CHD1L: variants seen among roughly 807,000 people sequenced by gnomAD.
CHD1L encodes the protein ATP-dependent chromatin remodeler CHD1L.
In CHD1L, 118 loss-of-function variants were observed where a neutral mutation model predicts 115.9. The ratio of observed to expected loss-of-function variants is 1.02; its 90% CI spans 0.88 to 1.19. CHD1L has a LOEUF of 1.19. CHD1L is among the 50% of genes most tolerant of loss of function. The probability of loss-of-function intolerance (pLI) is 0.00; values close to 1 mark genes in which losing one functional copy is unlikely to be tolerated. For missense variants in CHD1L, 1,179 were observed against 1,065.3 expected (o/e 1.11, Z -1.49); for synonymous variants, 411 against 387.1 (o/e 1.06, Z -0.72).
rs142621859 is a variant in CHD1L at position 147,281,068 on chromosome 1, G to A, written c.1705+877G>A. Among the ~76,000 whole-genome samples the A allele has an allele frequency of 1.6e-4, 24 of 152,156 alleles. No homozygotes were observed. The East Asian group carries it at 3.5e-3, about 22-fold the overall frequency. On this transcript the variant is annotated intron_variant, in intron 15 of 22. Transcript: ENST00000369258. ...ATAGGACCGTGAATTTCCATCGCTC[G>A]CTTTCTCTCTGTGCCACAAACTTGT...
chr1:147,252,875 C>A, intron 2 of CHD1L, 140 bp downstream of exon 2: 1 of 672,148 alleles, frequency 1.5e-6, no homozygotes, highest in Non-Finnish European at 2.5e-6. Flanking sequence ...GGCTCTTGCA[C>A]CGGGAAAGGG....
At chr1:147,272,401 T>C in intron 12 of CHD1L, 120 bp downstream of exon 12, 1 of 695,600 alleles carries the variant, frequency 1.4e-6, no homozygotes, top group Non-Finnish European at 2.5e-6. Flanking sequence ...CTATTGAATG[T>C]AAAACAAGGT....
At chr1:147,231,255 T>C in the CHD1L span, among the ~76,000 whole-genome samples, 7 of 152,240 alleles carry the variant, frequency 4.6e-5, no homozygotes, top group Non-Finnish European at 1.0e-4. Flanking sequence ...TACCTTCATT[T>C]CGTTATGTAC....
At chr1:147,295,295 AGT>A (rs1305843359) in intron 22 of CHD1L, 134 bp from the exon 23 acceptor site, 26 of 661,784 alleles carry the variant, frequency 3.9e-5, no homozygotes, top group Non-Finnish European at 6.1e-5. Context: ...TAATATTGAA[AGT>A]GTTTATGATA....
At chr1:147,200,114 T>G in the CHD1L span, among the ~76,000 whole-genome samples, 780 of 152,296 alleles carry the variant, frequency 5.1e-3, 6 homozygotes, top group African/African-American at 0.017. Context: ...CTGCTTAGAA[T>G]TTCAGAGGCA....
chr1:147,267,712 A>G (rs115899538), intron 9 of CHD1L, among the ~76,000 whole-genome samples, 194 bp downstream of exon 9: 140 of 152,172 alleles, frequency 9.2e-4, no homozygotes, highest in African/African-American at 3.2e-3. Flanking sequence ...CCTTCTGGCT[A>G]TATTTTTCTT....
chr1:147,266,582 C>T (rs1474414865), intron 8 of CHD1L, among the ~76,000 whole-genome samples: 2 of 152,226 alleles, frequency 1.3e-5, no homozygotes, highest in African/African-American at 4.8e-5. Flanking sequence ...CGTATCCACG[C>T]CGTCAGCGTT....
chr1:147,291,372 G>A (rs1685466903), intron 19 of CHD1L, 110 bp from the exon 20 acceptor site: 5 of 852,590 alleles, frequency 5.9e-6, no homozygotes, highest in Non-Finnish European at 1.0e-5. Flanking sequence ...GGCTGTGTAG[G>A]AAGGTGGGTC....
chr1:147,253,433 AT>A (rs1164371482), intron 2 of CHD1L, among the ~76,000 whole-genome samples: 4 of 152,232 alleles, frequency 2.6e-5, no homozygotes, highest in Non-Finnish European at 4.4e-5. Context: ...TATTTCTGTT[AT>A]AAAAACTACC....
chr1:147,195,226 TAA>T, the CHD1L span, among the ~76,000 whole-genome samples: 2 of 152,164 alleles, frequency 1.3e-5, no homozygotes, highest in Admixed American at 6.5e-5. Flanking sequence ...CTTTTTTCTC[TAA>T]ACTTCCCTTC....
chr1:147,285,120 A>G (rs1158037969), intron 16 of CHD1L, among the ~76,000 whole-genome samples: 3 of 152,336 alleles, frequency 2.0e-5, no homozygotes, highest in Non-Finnish European at 4.4e-5. Context: ...ACAGCATGGT[A>G]TCCTGGTCAC....
the CHD1L span, chr1:147,209,094 G>C: frequency 1.9e-6 from 3 of 1,549,010 alleles, no homozygotes; most frequent in Non-Finnish European, 1.8e-6. Flanking sequence ...ACTCAGATTC[G>C]TAAACCTTCA....
chr1:147,277,589 T>C (rs1679009460), intron 14 of CHD1L, among the ~76,000 whole-genome samples: 1 of 152,302 alleles, frequency 6.6e-6, no homozygotes, highest in Non-Finnish European at 1.5e-5. Context: ...CTTTTTTCTT[T>C]TTCTGACTTT....
chr1:147,277,291 A>G (rs587765503), intron 14 of CHD1L, among the ~76,000 whole-genome samples: 1 of 152,354 alleles, frequency 6.6e-6, no homozygotes, highest in South Asian at 2.1e-4. Flanking sequence ...GGACTAGTCC[A>G]TCAAAAAACA....
intron 5 of CHD1L, among the ~76,000 whole-genome samples, chr1:147,257,448 CTTT>C (rs1670506316): frequency 6.6e-6 from 1 of 151,932 alleles, no homozygotes; most frequent in South Asian, 2.1e-4. Flanking sequence ...CATTCCCTCT[CTTT>C]TTATTATTAA....
chr1:147,226,959 A>T, the CHD1L span, among the ~76,000 whole-genome samples: 1 of 151,474 alleles, frequency 6.6e-6, no homozygotes, highest in African/African-American at 2.4e-5. Flanking sequence ...CAGCCTTCTG[A>T]GTAGGGACTA....
In CHD1L at chr1:147,285,355, C is replaced by A. The variant is rs1064797118; in HGVS notation, c.1886C>A (p.Thr629Asn). 11 of 1,613,608 alleles carry A rather than the reference C, an allele frequency of 6.8e-6. No homozygotes were observed. Among genetic ancestry groups the A allele is most frequent in the Non-Finnish European group, 9.3e-6 (11 of 1,179,892 alleles). ...VLIPGLVEGS[T>N]KRKRVLSPEE... ...ATCCCAGGCCTTGTGGAGGGATCTA[C>A]CAAAAGGAAGCGGGTTCTGAGTCCA... Residue 629 changes from threonine to asparagine, a missense_variant, in exon 17 of 23, where the codon ACC becomes AAC. Coordinates refer to ENST00000369258, the MANE Select transcript of CHD1L (RefSeq NM_004284.6).
chr1:147,268,820 A>T lies in CHD1L; in HGVS notation c.1027A>T (p.Thr343Ser). Residue 343 changes from threonine (T) to serine (S), a missense_variant, in exon 10 of 23, where the codon ACT becomes TCT. By Grantham distance (58) the Thr-to-Ser change is moderately conservative. Transcript: ENST00000369258. ...GCCTTTTGAAGTTGGAGACCACCTG[A>T]CTGAGGCTAGTGGGAAGCTTCACCT... ...PEPFEVGDHL[T>S]EASGKLHLLD... is the part of the protein sequence containing the mutation. The T allele has an allele frequency of 6.2e-7, 1 of 1,613,602 alleles. No individual in the cohort carries two copies. Among genetic ancestry groups the T allele is most frequent in the Non-Finnish European group, 8.5e-7 (1 of 1,179,696 alleles).
chr1:147,293,169 C>G (rs1330231713), intron 20 of CHD1L, among the ~76,000 whole-genome samples: 1 of 152,076 alleles, frequency 6.6e-6, no homozygotes, highest in Non-Finnish European at 1.5e-5. Context: ...AGATACTTGG[C>G]ATTTTGTCCT....
Sources: allele counts gnomAD v4.1 joint callset (sites outside exome capture counted in the v4.1 genomes callset), GRCh38; gene constraint gnomAD v4.1.1; transcripts MANE v1.5; gene names NCBI Gene and HGNC (gene_info 2026-07-23, HGNC 2026-07-21).